ALDH1A2: variants seen among roughly 807,000 people sequenced by gnomAD.
The protein encoded by ALDH1A2 is aldehyde dehydrogenase 1 family member A2, also known as retinal dehydrogenase 2.
In ALDH1A2, 27 loss-of-function variants were observed where a neutral mutation model predicts 60.3. That is an observed-to-expected ratio of 0.45 (90% confidence interval 0.33 to 0.62). The LOEUF is 0.62. Among genes scored for constraint, ALDH1A2 ranks in the 20% least tolerant of loss-of-function variants. The pLI is 0.02. For missense variants in ALDH1A2, 581 were observed against 643.8 expected (o/e 0.90, Z 1.06); for synonymous variants, 289 against 232.4 (o/e 1.24, Z -2.21).
At chr15:58,001,537 G>C (rs1303969491) in intron 4 of ALDH1A2, among the ~76,000 whole-genome samples, 1 of 151,884 alleles carries the variant, frequency 6.6e-6, no homozygotes, top group Non-Finnish European at 1.5e-5. Context: ...GAGCCAACTC[G>C]AAATGGAGAC....
intron 7 of ALDH1A2, chr15:57,980,155 G>A (rs776733790): frequency 8.8e-5 from 25 of 283,298 alleles, no homozygotes; most frequent in Middle Eastern, 1.3e-3. Flanking sequence ...GCCCGATGAC[G>A]CACTGGCCAG....
At chr15:58,039,299 C>A (rs1896456118) in intron 1 of ALDH1A2, among the ~76,000 whole-genome samples, 1 of 151,484 alleles carries the variant, frequency 6.6e-6, no homozygotes. Context: ...TGTGGCCTAG[C>A]TCTAAATCAG....
intron 12 of ALDH1A2, among the ~76,000 whole-genome samples, chr15:57,958,675 G>A (rs755467622): frequency 3.3e-5 from 5 of 151,552 alleles, no homozygotes; most frequent in Admixed American, 6.6e-5. Context: ...CTGTGTAGAC[G>A]GAGGATTAAG....
chr15:57,992,775 C>A lies in ALDH1A2; in HGVS notation c.728G>T (p.Gly243Val). Residue 243 changes from glycine to valine, a missense_variant, in exon 7 of 13, where the codon GGG becomes GTG. By Grantham distance (109) the Gly-to-Val change is moderately radical. Transcript: ENST00000249750. ...AGCTATTGCTGCCCCAGCCGTTGGC[C>A]CATATCCTGGCAAAATATTGATGAC... ...PGVINILPGYGPTAGAAIASH... is the reference protein window; with the variant it reads ...PGVINILPGYVPTAGAAIASH... 1.2e-6 allele frequency: 2 copies of A among 1,614,074 alleles called. No individual in the cohort carries two copies. The highest frequency in any genetic ancestry group is 1.7e-6 in the Non-Finnish European group (2 of 1,179,990).
chr15:58,050,435 T>C (rs1442544264), intron 1 of ALDH1A2, among the ~76,000 whole-genome samples: 1 of 152,102 alleles, frequency 6.6e-6, no homozygotes, highest in African/African-American at 2.4e-5. Flanking sequence ...AGTTTAAGTA[T>C]GGGAAATCAT....
intron 1 of ALDH1A2, among the ~76,000 whole-genome samples, chr15:58,058,892 A>G (rs1009469800): frequency 6.6e-6 from 1 of 152,200 alleles, no homozygotes; most frequent in African/African-American, 2.4e-5. Flanking sequence ...ACAGAGGTCA[A>G]TTAATCCCCA....
chr15:58,059,394 G>C (rs752454572), intron 1 of ALDH1A2, among the ~76,000 whole-genome samples: 1 of 152,150 alleles, frequency 6.6e-6, no homozygotes, highest in Non-Finnish European at 1.5e-5. Context: ...GACTGCTCCT[G>C]GAAAATGCTC....
At chr15:57,955,752 C>T (rs1166104941) in intron 12 of ALDH1A2, among the ~76,000 whole-genome samples, 6 of 132,752 alleles carry the variant, frequency 4.5e-5, no homozygotes, top group Non-Finnish European at 9.6e-5. Context: ...GTGCTTTCCT[C>T]CCCCAAGACG....
chr15:58,045,540 T>C (rs1441541495), intron 1 of ALDH1A2, among the ~76,000 whole-genome samples: 2 of 152,034 alleles, frequency 1.3e-5, no homozygotes, highest in South Asian at 2.1e-4. Context: ...GTGAAACATA[T>C]ACACCATGGA....
chr15:58,062,620 C>A (rs1322314437), intron 1 of ALDH1A2, among the ~76,000 whole-genome samples: 1 of 152,158 alleles, frequency 6.6e-6, no homozygotes, highest in African/African-American at 2.4e-5. Context: ...AAGGAGAGCG[C>A]ATTCTCTTGG....
At chr15:58,045,697 G>C (rs1315126031) in intron 1 of ALDH1A2, among the ~76,000 whole-genome samples, 2 of 152,156 alleles carry the variant, frequency 1.3e-5, no homozygotes, top group African/African-American at 2.4e-5. Context: ...TGAACAATGA[G>C]AACACGTGGA....
intron 7 of ALDH1A2, among the ~76,000 whole-genome samples, chr15:57,967,420 C>T (rs557420193): frequency 5.3e-5 from 8 of 152,246 alleles, no homozygotes; most frequent in East Asian, 1.9e-4. Flanking sequence ...TTTTCTTCCA[C>T]GTTCAATGGA....
At chr15:58,010,878 G>T in intron 3 of ALDH1A2, 100 bp from the exon 4 acceptor site, 1 of 1,458,024 alleles carries the variant, frequency 6.9e-7, no homozygotes, top group Non-Finnish European at 9.5e-7. Context: ...GAATACAAAT[G>T]CATATGGAGT....
chr15:57,963,095 T>A (rs1447308754), intron 9 of ALDH1A2, among the ~76,000 whole-genome samples: 1 of 152,140 alleles, frequency 6.6e-6, no homozygotes, highest in Non-Finnish European at 1.5e-5. Flanking sequence ...TCCTACACTT[T>A]CACAAGCTAC....
rs528461050 is a variant in ALDH1A2, at chr15:58,061,823, C to T, written c.117+3711G>A. Among the ~76,000 whole-genome samples, 3 of 152,128 alleles carry T rather than the reference C, an allele frequency of 2.0e-5. No homozygotes were observed. The South Asian group carries it at 6.2e-4, about 32-fold the overall frequency. On this transcript the variant is annotated intron_variant, in intron 1 of 12. Transcript: ENST00000249750. ...TGAAAGTGCTAGGCAGACCATTAGGCCCTATAAAAATGTAAGTGGCATTAT... is the reference window on the plus strand; with the variant it reads ...TGAAAGTGCTAGGCAGACCATTAGGTCCTATAAAAATGTAAGTGGCATTAT...
At chr15:58,014,095 G>T in intron 2 of ALDH1A2, 82 bp downstream of exon 2, 1 of 1,613,952 alleles carries the variant, frequency 6.2e-7, no homozygotes, top group Non-Finnish European at 8.5e-7. Context: ...GCATGTAGTG[G>T]TGTACTGAGA....
At chr15:57,975,333 AC>A (rs1474637033) in intron 7 of ALDH1A2, among the ~76,000 whole-genome samples, 8 of 152,264 alleles carry the variant, frequency 5.3e-5, no homozygotes, top group African/African-American at 1.9e-4. Flanking sequence ...CAAACATACA[AC>A]AAATGGATAA....
chr15:58,023,634 G>A (rs114945639), intron 1 of ALDH1A2, among the ~76,000 whole-genome samples: 306 of 129,736 alleles, frequency 2.4e-3, no homozygotes, highest in African/African-American at 8.4e-3. Context: ...AGAAGAGAAT[G>A]AGATGGTATA....
Position 57,954,161 on chromosome 15 carries a change from T to G in ALDH1A2, c.*1036A>C, listed in dbSNP as rs137874499. The G allele has an allele frequency of 6.6e-6, 1 of 152,480 alleles. No individual in the cohort carries two copies. Among genetic ancestry groups the G allele is most frequent in the African/African-American group, 2.4e-5 (1 of 41,588 alleles). The allele number at this position is 152,480 out of a possible 1,614,324, so 9.4% of individuals were successfully genotyped here. On this transcript the variant is annotated 3_prime_UTR_variant, in exon 13 of 13. Coordinates refer to ENST00000249750, the MANE Select transcript of ALDH1A2 (RefSeq NM_003888.4). ...CACTGCCAATAGATACAGGGCACAT[T>G]ATGATAGATGTACAGTGTGACAGAC...
Sources: gnomAD v4.1 joint callset for allele counts (sites outside exome capture counted in the v4.1 genomes callset) on GRCh38, gnomAD v4.1.1 for gene constraint, MANE v1.5 for transcripts, NCBI Gene and HGNC (gene_info 2026-07-23, HGNC 2026-07-21) for gene names.